The following CACNG1 variants were observed in gnomAD, a reference collection of about 807,000 sequenced individuals.
CACNG1 encodes the protein calcium voltage-gated channel auxiliary subunit gamma 1.
CACNG1 carries 21 observed loss-of-function variants against 22.0 expected under a neutral mutation model. The ratio of observed to expected loss-of-function variants is 0.95; its 90% CI spans 0.68 to 1.37. The LOEUF (loss-of-function observed/expected upper bound fraction) is 1.37, where lower values mean the gene tolerates loss of function less well. Ranked by LOEUF, CACNG1 falls within the 40% of genes most tolerant of loss-of-function variation. The pLI is 0.00. For missense variants in CACNG1, 291 were observed against 308.6 expected, an observed-to-expected ratio of 0.94 and a Z score of 0.43; for synonymous variants, 127 against 129.2, an observed-to-expected ratio of 0.98 and a Z score of 0.12.
chr17:67,044,580 C>A lies in CACNG1; in HGVS notation c.-81C>A, dbSNP rs1020246367. The A allele has an allele frequency of 3.4e-6, 3 of 888,098 alleles. No homozygotes were observed. The highest frequency in any genetic ancestry group is 4.9e-5 in the East Asian group (2 of 40,954). The allele number at this position is 888,098 out of a possible 1,614,324, so 55.0% of individuals were successfully genotyped here. A position where few individuals can be genotyped will look rare whatever the true frequency, so the allele number is the denominator to read the frequency against. On this transcript the variant is annotated 5_prime_UTR_variant, in exon 1 of 4. Transcript: ENST00000226021. The surrounding 1 kb of genome is among the most constrained non-coding windows in gnomAD (Gnocchi z 6.9). ...CTCCCAGCTCGACAACCACTGCCAC[C>A]CCCCAAGCTCGGCTTGTCACCTGCC...
chr17:67,053,800 G>T (rs959357511), intron 1 of CACNG1, among the ~76,000 whole-genome samples, 196 bp from the exon 2 acceptor site: 1 of 152,184 alleles, frequency 6.6e-6, no homozygotes, highest in Non-Finnish European at 1.5e-5. Flanking sequence ...AGCCCTGCAG[G>T]CAACCTCATT....
Position 67,056,045 on chromosome 17 carries a change from G to A in CACNG1, c.443G>A (p.Gly148Asp), listed in dbSNP as rs758974258. ...TGAGCATGCCTGGCTCTGCCCCCAG[G>A]TCTCTGCATCCTCGTCTCGGTGGAG... is the stretch of plus-strand genomic sequence containing the variant. Reference protein sequence around the residue: ...RPASMFYAFAGLCILVSVEVM... With the variant: ...RPASMFYAFADLCILVSVEVM... The change falls in exon 4 of 4, where the codon GGT becomes GAT. Residue 148 changes from glycine (G) to aspartate (D), a missense_variant and splice_region_variant. Transcript: ENST00000226021. The surrounding 1 kb of genome is among the most constrained non-coding windows in gnomAD (Gnocchi z 4.3). 4 of 1,609,450 alleles carry A rather than the reference G, an allele frequency of 2.5e-6. No homozygotes were observed. Among genetic ancestry groups the A allele is most frequent in the Non-Finnish European group, 3.4e-6 (4 of 1,179,660 alleles).
chr17:67,056,259 G>C lies in CACNG1; in HGVS notation c.657G>C (p.Glu219Asp), dbSNP rs2035761544. The C allele has an allele frequency of 6.2e-7, 1 of 1,613,740 alleles. No individual in the cohort carries two copies. The highest frequency in any genetic ancestry group is 1.7e-5 in the Admixed American group (1 of 60,002). The change falls in exon 4 of 4, where the codon GAG (glutamate) becomes GAC (aspartate). Residue 219 changes from glutamate to aspartate, a missense_variant. Coordinates refer to ENST00000226021, the MANE Select transcript of CACNG1 (RefSeq NM_000727.4). This position sits in a 1 kb window ranked among gnomAD's most constrained non-coding sequence, Gnocchi z 4.3. ...RNPWESCMDA[E>D]PEH ...CATGGGAGTCCTGCATGGATGCTGA[G>C]CCCGAGCACTAACCCTCCTGCGGCC...
rs1598143025 is a variant in CACNG1 at position 67,056,698 on chromosome 17, G to C, written c.*427G>C. On this transcript the variant is annotated 3_prime_UTR_variant, in exon 4 of 4. Coordinates refer to ENST00000226021, the MANE Select transcript of CACNG1 (RefSeq NM_000727.4). This position sits in a 1 kb window ranked among gnomAD's most constrained non-coding sequence, Gnocchi z 4.3. ...CTCGGTGATAAAACACACCCTCTCTGGTGAGCCCAGCGTCCCCTCCTTGGC... is the reference window on the plus strand; with the variant it reads ...CTCGGTGATAAAACACACCCTCTCTCGTGAGCCCAGCGTCCCCTCCTTGGC... 1.1e-5 allele frequency: 2 copies of C among 182,106 alleles called. No individual in the cohort carries two copies. Among genetic ancestry groups the C allele is most frequent in the South Asian group, 1.3e-4 (1 of 7,800 alleles). The allele number at this position is 182,106 out of a possible 1,614,324, so 11.3% of individuals were successfully genotyped here. A position where few individuals can be genotyped will look rare whatever the true frequency, so the allele number is the denominator to read the frequency against.
In CACNG1 at chr17:67,044,564, C is replaced by G; in HGVS notation, c.-97C>G. The G allele has an allele frequency of 2.5e-6, 2 of 787,306 alleles. No homozygotes were observed. The highest frequency in any genetic ancestry group is 2.1e-6 in the Non-Finnish European group (1 of 469,072). 48.8% of individuals were successfully genotyped at this position (787,306 alleles called of 1,614,324 possible). On this transcript the variant is annotated 5_prime_UTR_variant, in exon 1 of 4. Coordinates refer to ENST00000226021, the MANE Select transcript of CACNG1 (RefSeq NM_000727.4). The surrounding 1 kb of genome is among the most constrained non-coding windows in gnomAD (Gnocchi z 6.9). ...CTAAACTTAGTGGCCACTCCCAGCT[C>G]GACAACCACTGCCACCCCCCAAGCT...
chr17:67,054,065 AGAAGGGTG>A lies in CACNG1; in HGVS notation c.300_304+3del. The stretch of plus-strand genomic sequence containing the variant: ...TCGGAGATCTTCGAATTCACCACTC[AGAAGGGTG>A]AGCCTGGGTGGAAAGGGGTCTGGGG... On this transcript the variant is annotated splice_donor_variant and splice_donor_region_variant and coding_sequence_variant and intron_variant, in exon 2 of 4. Coordinates refer to ENST00000226021, the MANE Select transcript of CACNG1 (RefSeq NM_000727.4). LOFTEE classifies it high-confidence loss of function. The surrounding 1 kb of genome is among the most constrained non-coding windows in gnomAD (Gnocchi z 4.6). The A allele has an allele frequency of 6.2e-7, 1 of 1,613,602 alleles. No homozygotes were observed. Among genetic ancestry groups the A allele is most frequent in the East Asian group, 2.2e-5 (1 of 44,866 alleles).
rs1478348865 is a variant in CACNG1, at chr17:67,055,140, C to A, written c.342C>A (p.Ser114Arg). The change falls in exon 3 of 4, where the codon AGC (serine) becomes AGA (arginine). Residue 114 changes from serine to arginine, a missense_variant. Coordinates refer to ENST00000226021, the MANE Select transcript of CACNG1 (RefSeq NM_000727.4). The surrounding 1 kb of genome is among the most constrained non-coding windows in gnomAD (Gnocchi z 4.5). Reference protein sequence around the residue: ...SISAAAIAIFSLGFIILGSLC... With the variant: ...SISAAAIAIFRLGFIILGSLC... The stretch of plus-strand genomic sequence containing the variant: ...CGGCAGCCGCCATCGCCATCTTCAG[C>A]CTTGGCTTCATCATCCTGGGCAGCC... The A allele has an allele frequency of 6.2e-7, 1 of 1,614,098 alleles. No individual in the cohort carries two copies. The highest frequency in any genetic ancestry group is 8.5e-7 in the Non-Finnish European group (1 of 1,180,032).
In CACNG1 at chr17:67,047,751, T is replaced by C. The variant is rs2035705392; in HGVS notation, c.229+2862T>C. On this transcript the variant is annotated intron_variant, in intron 1 of 3. Transcript: ENST00000226021. ...ACAGGCTAACCAAAAAACTGGAGAC[T>C]GAAATGTCCATAAGTTGCTTTGAAA... is the stretch of plus-strand genomic sequence containing the variant. Among the ~76,000 whole-genome samples, 3 of 152,102 alleles carry C rather than the reference T, an allele frequency of 2.0e-5. No homozygotes were observed. The South Asian group carries it at 6.2e-4, about 32-fold the overall frequency.
At position 67,056,473 on chromosome 17, in the gene CACNG1, C is replaced by A; in HGVS notation, c.*202C>A. The A allele has an allele frequency of 1.7e-6, 1 of 594,278 alleles. No homozygotes were observed. The highest frequency in any genetic ancestry group is 3.0e-6 in the Non-Finnish European group (1 of 333,608). 36.8% of individuals were successfully genotyped at this position (594,278 alleles called of 1,614,324 possible). ...CCTGGGAATAGAGCAAGACGTGAGT[C>A]CTAACCTGGCCACAGTTGGGGGAGG... On this transcript the variant is annotated 3_prime_UTR_variant, in exon 4 of 4. Coordinates refer to ENST00000226021, the MANE Select transcript of CACNG1 (RefSeq NM_000727.4). This position sits in a 1 kb window ranked among gnomAD's most constrained non-coding sequence, Gnocchi z 4.3.
chr17:67,053,946 C>T, intron 1 of CACNG1, 50 bp from the exon 2 acceptor site: 4 of 1,415,466 alleles, frequency 2.8e-6, no homozygotes, highest in Non-Finnish European at 4.0e-6. Flanking sequence ...GGCCTCTGTC[C>T]TTGCTACGGG....
Position 67,055,919 on chromosome 17 carries a change from C to A in CACNG1, c.443-126C>A. ...TCCTTCTGCAGGTTCCCATCTAGAA[C>A]CTGCCTTGAGGCAGCTTTTCCCCCA... On this transcript the variant is annotated intron_variant, in intron 3 of 3. Coordinates refer to ENST00000226021, the MANE Select transcript of CACNG1 (RefSeq NM_000727.4). This position sits in a 1 kb window ranked among gnomAD's most constrained non-coding sequence, Gnocchi z 4.5. 1 of 698,490 alleles carries A rather than the reference C, an allele frequency of 1.4e-6. No homozygotes were observed. The highest frequency in any genetic ancestry group is 2.5e-6 in the Non-Finnish European group (1 of 407,660). 43.3% of individuals were successfully genotyped at this position (698,490 alleles called of 1,614,324 possible). A position where few individuals can be genotyped will look rare whatever the true frequency, so the allele number is the denominator to read the frequency against.
chr17:67,044,994 T>A lies in CACNG1; in HGVS notation c.229+105T>A. On this transcript the variant is annotated intron_variant, in intron 1 of 3. Transcript: ENST00000226021. The surrounding 1 kb of genome is among the most constrained non-coding windows in gnomAD (Gnocchi z 6.9). ...GAAGGCAGGTTTCTCTGCCTAGAAA[T>A]AGGGCAGCCGCCCAGCCTTTTCTGC... 1.2e-6 allele frequency: 1 copy of A among 866,524 alleles called. No individual in the cohort carries two copies. Among genetic ancestry groups the A allele is most frequent in the African/African-American group, 1.7e-5 (1 of 60,278 alleles). 53.7% of individuals were successfully genotyped at this position (866,524 alleles called of 1,614,324 possible).
rs375516186 is a variant in CACNG1, at chr17:67,055,288, C to T, written c.442+48C>T. On this transcript the variant is annotated intron_variant, in intron 3 of 3. Transcript: ENST00000226021. The surrounding 1 kb of genome is among the most constrained non-coding windows in gnomAD (Gnocchi z 4.5). Reference sequence around the variant, plus strand: ...GCGCCGGGGCCGGGGGACCATGTCGCGGGGGATTCTCCGCTCCACCCTCAT... The same window carrying T: ...GCGCCGGGGCCGGGGGACCATGTCGTGGGGGATTCTCCGCTCCACCCTCAT... 2.7e-5 allele frequency: 42 copies of T among 1,583,200 alleles called. No homozygotes were observed. The highest frequency in any genetic ancestry group is 6.8e-5 in the East Asian group (3 of 44,426).
chr17:67,052,298 G>A (rs758782961), intron 1 of CACNG1, among the ~76,000 whole-genome samples: 2 of 152,182 alleles, frequency 1.3e-5, no homozygotes, highest in Non-Finnish European at 2.9e-5. Context: ...TGCCAGGAAT[G>A]GGTACTGCTG....
At chr17:67,050,839 A>G (rs932807306) in intron 1 of CACNG1, among the ~76,000 whole-genome samples, 3 of 152,194 alleles carry the variant, frequency 2.0e-5, no homozygotes, top group African/African-American at 7.2e-5. Context: ...CATATTTTTA[A>G]TAAATAACCC....
At position 67,055,300 on chromosome 17, in the gene CACNG1, C is replaced by A; in HGVS notation, c.442+60C>A. 6.4e-7 allele frequency: 1 copy of A among 1,560,162 alleles called. No homozygotes were observed. Among genetic ancestry groups the A allele is most frequent in the South Asian group, 1.2e-5 (1 of 84,714 alleles). On this transcript the variant is annotated intron_variant, in intron 3 of 3. Transcript: ENST00000226021. This position sits in a 1 kb window ranked among gnomAD's most constrained non-coding sequence, Gnocchi z 4.5. ...GGGGACCATGTCGCGGGGGATTCTC[C>A]GCTCCACCCTCATGCCCACCGCGAG...
chr17:67,044,581 C>T lies in CACNG1; in HGVS notation c.-80C>T. On this transcript the variant is annotated 5_prime_UTR_variant, in exon 1 of 4. Transcript: ENST00000226021. The surrounding 1 kb of genome is among the most constrained non-coding windows in gnomAD (Gnocchi z 6.9). Reference sequence around the variant, plus strand: ...TCCCAGCTCGACAACCACTGCCACCCCCCAAGCTCGGCTTGTCACCTGCCC... The same window carrying T: ...TCCCAGCTCGACAACCACTGCCACCTCCCAAGCTCGGCTTGTCACCTGCCC... 1 of 903,856 alleles carries T rather than the reference C, an allele frequency of 1.1e-6. No homozygotes were observed. The highest frequency in any genetic ancestry group is 1.8e-5 in the Admixed American group (1 of 55,310). 56.0% of individuals were successfully genotyped at this position (903,856 alleles called of 1,614,324 possible).
Position 67,056,056 on chromosome 17 carries a change from C to T in CACNG1, c.454C>T (p.Leu152Phe). ...GGCTCTGCCCCCAGGTCTCTGCATC[C>T]TCGTCTCGGTGGAGGTCATGCGGCA... ...MFYAFAGLCILVSVEVMRQSV... is the reference protein window; with the variant it reads ...MFYAFAGLCIFVSVEVMRQSV... Residue 152 changes from leucine to phenylalanine, a missense_variant, in exon 4 of 4, where the codon CTC (leucine) becomes TTC (phenylalanine). Physicochemically the swap from Leu to Phe is conservative, Grantham distance 22 (BLOSUM62 0). Transcript: ENST00000226021. This position sits in a 1 kb window ranked among gnomAD's most constrained non-coding sequence, Gnocchi z 4.3. 1 of 1,611,080 alleles carries T rather than the reference C, an allele frequency of 6.2e-7. No individual in the cohort carries two copies.
In CACNG1 at chr17:67,054,218, G is replaced by T; in HGVS notation, c.304+148G>T. 3.0e-6 allele frequency: 2 copies of T among 661,396 alleles called. No individual in the cohort carries two copies. The highest frequency in any genetic ancestry group is 3.8e-5 in the South Asian group (2 of 53,084). The allele number at this position is 661,396 out of a possible 1,614,324, so 41.0% of individuals were successfully genotyped here. A position where few individuals can be genotyped will look rare whatever the true frequency, so the allele number is the denominator to read the frequency against. ...GTGCATTTGAACAACAGCCTTGTCA[G>T]CTCCCCGCTCCGGAGGCCCCAGGCA... On this transcript the variant is annotated intron_variant, in intron 2 of 3. Coordinates refer to ENST00000226021, the MANE Select transcript of CACNG1 (RefSeq NM_000727.4). This position sits in a 1 kb window ranked among gnomAD's most constrained non-coding sequence, Gnocchi z 4.6.
Sources: gnomAD v4.1 joint callset for allele counts (sites outside exome capture counted in the v4.1 genomes callset) on GRCh38, gnomAD v4.1.1 for gene constraint, Gnocchi (gnomAD v3.1) non-coding constraint, MANE v1.5 for transcripts, NCBI Gene and HGNC (gene_info 2026-07-23, HGNC 2026-07-21) for gene names.